GRM7: variants seen among roughly 807,000 people sequenced by gnomAD.
GRM7 encodes metabotropic glutamate receptor 7.
Under a neutral mutation model 84.5 loss-of-function variants are expected in GRM7, and 35 were observed. The ratio of observed to expected loss-of-function variants is 0.41; its 90% CI spans 0.32 to 0.55. The LOEUF (loss-of-function observed/expected upper bound fraction) is 0.55. GRM7 is among the 20% of genes least tolerant of loss of function. The pLI, the probability that GRM7 is intolerant of heterozygous loss-of-function variation, is 0.19. For synonymous variants in GRM7, 487 were observed against 455.1 expected (o/e 1.07, Z -0.89); for missense variants, 1,003 against 1,194.6 (o/e 0.84, Z 2.36).
At chr3:7,035,690 C>CCT (rs1287188359) in intron 1 of GRM7, among the ~76,000 whole-genome samples, 1 of 152,072 alleles carries the variant, frequency 6.6e-6, no homozygotes, top group Non-Finnish European at 1.5e-5. Context: ...CCTTCTCAGC[C>CCT]CCCATGTCTT....
chr3:6,944,689 T>C (rs980074083), intron 1 of GRM7, among the ~76,000 whole-genome samples: 4 of 152,204 alleles, frequency 2.6e-5, no homozygotes, highest in Admixed American at 2.6e-4. Context: ...AATTTAGCCA[T>C]GTGGAATGAG....
intron 8 of GRM7, among the ~76,000 whole-genome samples, chr3:7,589,893 C>G (rs1324744029): frequency 6.6e-6 from 1 of 152,078 alleles, no homozygotes; most frequent in Non-Finnish European, 1.5e-5. Context: ...GCTTTATGTT[C>G]CAATTGATTC....
At chr3:6,946,959 G>T (rs540483667) in intron 1 of GRM7, among the ~76,000 whole-genome samples, 36 of 152,178 alleles carry the variant, frequency 2.4e-4, no homozygotes, top group African/African-American at 7.7e-4. Context: ...TGGGCTGAGA[G>T]GATGGGGTTT....
At chr3:7,309,846 C>G (rs1286050863) in intron 4 of GRM7, among the ~76,000 whole-genome samples, 1 of 152,100 alleles carries the variant, frequency 6.6e-6, no homozygotes, top group Non-Finnish European at 1.5e-5. Flanking sequence ...CCGCTGCCTG[C>G]CCAGTGTTTA....
rs541635893 is a variant in GRM7, at chr3:7,417,903, ATT to A, written c.1174+2742_1174+2743del. On this transcript the variant is annotated intron_variant, in intron 5 of 9. Transcript: ENST00000357716. ...AAAGATGAGGGATGAGACCCATACT[ATT>A]TGGAGAGAGCAAATTACTGAGGTCA... Among the ~76,000 whole-genome samples, 88 of 152,256 alleles carry A rather than the reference ATT, an allele frequency of 5.8e-4. 1 individual carries two copies. The South Asian group carries it at 0.018, about 32-fold the overall frequency.
At chr3:7,303,532 C>G (rs909240184) in intron 3 of GRM7, among the ~76,000 whole-genome samples, 1 of 152,026 alleles carries the variant, frequency 6.6e-6, no homozygotes, top group Non-Finnish European at 1.5e-5. Context: ...TGACAAAAAT[C>G]AGTATTTACA....
chr3:7,288,338 C>T (rs1053764380), intron 2 of GRM7, among the ~76,000 whole-genome samples: 6 of 152,006 alleles, frequency 3.9e-5, no homozygotes, highest in African/African-American at 9.7e-5. Flanking sequence ...ACAAGCTTTC[C>T]GTTTATTCTG....
intron 4 of GRM7, among the ~76,000 whole-genome samples, chr3:7,368,221 G>C (rs75756430): frequency 0.097 from 14,681 of 152,022 alleles, 768 homozygotes; most frequent in African/African-American, 0.14. Flanking sequence ...CTGGGTTACA[G>C]AGGTGAGATC....
chr3:7,437,156 G>A (rs1237496945), intron 5 of GRM7, among the ~76,000 whole-genome samples: 2 of 152,162 alleles, frequency 1.3e-5, no homozygotes, highest in Non-Finnish European at 2.9e-5. Flanking sequence ...TAACTGCAAA[G>A]CCTATCTCTT....
At chr3:7,103,877 T>A (rs1699210680) in intron 1 of GRM7, among the ~76,000 whole-genome samples, 1 of 150,128 alleles carries the variant, frequency 6.7e-6, no homozygotes, top group South Asian at 2.1e-4. Context: ...TCTTTCCCAT[T>A]TCTGAGAAGT....
At chr3:7,311,329 C>G (rs1700383623) in intron 4 of GRM7, among the ~76,000 whole-genome samples, 1 of 152,106 alleles carries the variant, frequency 6.6e-6, no homozygotes, top group South Asian at 2.1e-4. Context: ...ACAAACTTCC[C>G]TCTTCCAAGG....
At chr3:7,032,927 T>C (rs1291550000) in intron 1 of GRM7, among the ~76,000 whole-genome samples, 5 of 152,168 alleles carry the variant, frequency 3.3e-5, no homozygotes, top group African/African-American at 9.7e-5. Context: ...TTCTATGGTT[T>C]ATTAGTTCTC....
At chr3:7,122,265 T>G (rs1693252065) in intron 1 of GRM7, among the ~76,000 whole-genome samples, 1 of 152,158 alleles carries the variant, frequency 6.6e-6, no homozygotes, top group African/African-American at 2.4e-5. Flanking sequence ...GGCATCCTGA[T>G]GTATTTACTG....
At chr3:7,535,759 A>C (rs1301422169) in intron 7 of GRM7, among the ~76,000 whole-genome samples, 1 of 152,212 alleles carries the variant, frequency 6.6e-6, no homozygotes, top group South Asian at 2.1e-4. Context: ...TTTACTCAAT[A>C]AAGATACCGT....
chr3:7,644,741 T>G (rs1372715960), intron 8 of GRM7, among the ~76,000 whole-genome samples: 1 of 152,214 alleles, frequency 6.6e-6, no homozygotes, highest in Admixed American at 6.5e-5. Context: ...TCCATATAGA[T>G]TTTTAAGGCC....
At chr3:7,107,390 C>G (rs1410234608) in intron 1 of GRM7, among the ~76,000 whole-genome samples, 1 of 152,024 alleles carries the variant, frequency 6.6e-6, no homozygotes, top group Non-Finnish European at 1.5e-5. Flanking sequence ...TCCCATAAAT[C>G]TATTATATGG....
At chr3:7,015,287 A>G (rs1695523798) in intron 1 of GRM7, among the ~76,000 whole-genome samples, 1 of 152,168 alleles carries the variant, frequency 6.6e-6, no homozygotes. Flanking sequence ...CCGTGGCTTC[A>G]TTCTTGAAGT....
At chr3:7,033,686 GC>G (rs761536263) in intron 1 of GRM7, among the ~76,000 whole-genome samples, 4 of 151,924 alleles carry the variant, frequency 2.6e-5, no homozygotes, top group Admixed American at 6.6e-5. Context: ...CTTTCTCTAT[GC>G]CTAAAAAACA....
chr3:6,952,155 A>C (rs541495413), intron 1 of GRM7, among the ~76,000 whole-genome samples: 5 of 152,248 alleles, frequency 3.3e-5, no homozygotes, highest in Non-Finnish European at 5.9e-5. Flanking sequence ...AGTTTCATTC[A>C]TTCTGGTGTT....
Sources: allele counts gnomAD v4.1 joint callset (sites outside exome capture counted in the v4.1 genomes callset), GRCh38; gene constraint gnomAD v4.1.1; transcripts MANE v1.5; gene names NCBI Gene and HGNC (gene_info 2026-07-23, HGNC 2026-07-21).